Variants in EPM2A observed in about 807,000 individuals in gnomAD.
EPM2A encodes EPM2A glucan phosphatase, laforin.
Under a neutral mutation model 26.5 loss-of-function variants are expected in EPM2A, and 21 were observed. That is an observed-to-expected ratio of 0.79 (90% CI 0.56 to 1.14). EPM2A has a LOEUF of 1.14. Ranked by LOEUF, EPM2A falls within the 50% of genes most tolerant of loss-of-function variation. The pLI is 0.00. For missense variants in EPM2A, 458 were observed against 440.8 expected (o/e 1.04, Z -0.35); for synonymous variants, 217 against 177.6 (o/e 1.22, Z -1.76).
intron 2 of EPM2A, among the ~76,000 whole-genome samples, chr6:145,506,546 A>G (rs1318676028): frequency 6.6e-6 from 1 of 151,672 alleles, no homozygotes; most frequent in African/African-American, 2.4e-5. Context: ...AAAATCTATT[A>G]ATTAAAAATT....
chr6:145,441,645 C>T (rs2087591233), intron 4 of EPM2A, among the ~76,000 whole-genome samples: 1 of 152,120 alleles, frequency 6.6e-6, no homozygotes, highest in Non-Finnish European at 1.5e-5. Context: ...AGGTGGATCA[C>T]CTGAAGTCAG....
intron 4 of EPM2A, among the ~76,000 whole-genome samples, chr6:145,397,030 CT>C (rs1778414463): frequency 6.6e-6 from 1 of 152,232 alleles, no homozygotes; most frequent in South Asian, 2.1e-4. Context: ...TAAAAACCAT[CT>C]GGCAAAAATC....
intron 4 of EPM2A, among the ~76,000 whole-genome samples, chr6:145,496,197 T>C (rs186282915): frequency 2.6e-5 from 4 of 152,346 alleles, no homozygotes; most frequent in East Asian, 1.9e-4. Context: ...CTTCCCTTTG[T>C]AGGTAATCTG....
intron 2 of EPM2A, chr6:145,682,800 A>T (rs1206825835): frequency 6.6e-6 from 1 of 152,162 alleles, no homozygotes; most frequent in East Asian, 1.9e-4. Context: ...TTCTGATATG[A>T]TTTATCCCAA....
At chr6:145,714,205 T>C (rs1001533579) in intron 1 of EPM2A, among the ~76,000 whole-genome samples, 2 of 152,228 alleles carry the variant, frequency 1.3e-5, no homozygotes, top group African/African-American at 2.4e-5. Context: ...CCATGAGTAA[T>C]TGGTCCCAGA....
At chr6:145,391,190 C>A (rs4487600) in intron 4 of EPM2A, among the ~76,000 whole-genome samples, 66,775 of 151,922 alleles carry the variant, frequency 0.44, 14,967 homozygotes, top group East Asian at 0.66. Flanking sequence ...TGCTAACCAC[C>A]ATTAAGCTTT....
At chr6:145,518,606 A>C (rs1391370916) in intron 2 of EPM2A, among the ~76,000 whole-genome samples, 20 of 151,010 alleles carry the variant, frequency 1.3e-4, no homozygotes, top group South Asian at 4.2e-4. Context: ...AAAAAAAAAA[A>C]AAAAAAAAAA....
chr6:145,514,857 A>G (rs1288132321), intron 2 of EPM2A, among the ~76,000 whole-genome samples: 1 of 152,206 alleles, frequency 6.6e-6, no homozygotes, highest in Non-Finnish European at 1.5e-5. Context: ...GGCTCCACTG[A>G]CAAAAACATT....
At chr6:145,518,614 A>AC (rs1304386547) in intron 2 of EPM2A, among the ~76,000 whole-genome samples, 2 of 150,966 alleles carry the variant, frequency 1.3e-5, no homozygotes, top group African/African-American at 4.9e-5. Flanking sequence ...AAAAAAAAAA[A>AC]AAAAAAAAAC....
At chr6:145,433,680 A>G (rs770738072) in intron 4 of EPM2A, among the ~76,000 whole-genome samples, 84 of 152,320 alleles carry the variant, frequency 5.5e-4, no homozygotes, top group Non-Finnish European at 7.9e-4. Context: ...CCAGTGAAAC[A>G]TTGTATAACA....
At chr6:145,535,469 C>A (rs1321156910) in intron 2 of EPM2A, among the ~76,000 whole-genome samples, 1 of 152,008 alleles carries the variant, frequency 6.6e-6, no homozygotes, top group East Asian at 1.9e-4. Flanking sequence ...TTTTTTAAAG[C>A]TCTCCCAGAG....
intron 2 of EPM2A, among the ~76,000 whole-genome samples, chr6:145,520,556 G>A (rs1252795393): frequency 6.6e-6 from 1 of 152,196 alleles, no homozygotes; most frequent in Non-Finnish European, 1.5e-5. Context: ...TCCTGAAATA[G>A]AGACACGTTA....
chr6:145,713,588 A>G (rs1345630359), intron 1 of EPM2A, among the ~76,000 whole-genome samples: 2 of 152,210 alleles, frequency 1.3e-5, no homozygotes, highest in African/African-American at 2.4e-5. Context: ...ACACAAAATA[A>G]CAAGAATGTG....
chr6:145,443,596 G>T (rs1779095015), intron 4 of EPM2A, among the ~76,000 whole-genome samples: 2 of 152,130 alleles, frequency 1.3e-5, no homozygotes, highest in South Asian at 4.1e-4. Context: ...CCAAAACTTT[G>T]CTGAAGTTGC....
chr6:145,594,546 AT>A (rs11336475), intron 2 of EPM2A, among the ~76,000 whole-genome samples: 10,141 of 151,896 alleles, frequency 0.067, 1,132 homozygotes, highest in African/African-American at 0.23. Flanking sequence ...CATTAAAAAA[AT>A]ATATACAGTA....
intron 2 of EPM2A, among the ~76,000 whole-genome samples, chr6:145,655,322 G>A (rs1052444131): frequency 3.3e-5 from 5 of 152,110 alleles, no homozygotes; most frequent in Admixed American, 6.6e-5. Flanking sequence ...GTGCAGGGTA[G>A]CTATTAAGTA....
At chr6:145,515,920 T>C (rs1020609349) in intron 2 of EPM2A, among the ~76,000 whole-genome samples, 1 of 152,132 alleles carries the variant, frequency 6.6e-6, no homozygotes, top group Non-Finnish European at 1.5e-5. Flanking sequence ...TTTACCATGG[T>C]GACTATGCAC....
intron 1 of EPM2A, among the ~76,000 whole-genome samples, chr6:145,732,201 T>G (rs984437040): frequency 1.3e-4 from 18 of 138,546 alleles, no homozygotes; most frequent in East Asian, 8.4e-4. Flanking sequence ...CAGCTAAGAC[T>G]TGTGTGTGTG....
chr6:145,462,924 G>T (rs1014456029), intron 4 of EPM2A, among the ~76,000 whole-genome samples: 1 of 152,114 alleles, frequency 6.6e-6, no homozygotes, highest in African/African-American at 2.4e-5. Context: ...TTAATACCAA[G>T]ATTTCTTTCC....
Sources: allele counts gnomAD v4.1 joint callset (sites outside exome capture counted in the v4.1 genomes callset), GRCh38; gene constraint gnomAD v4.1.1; transcripts MANE v1.5; gene names NCBI Gene and HGNC (gene_info 2026-07-23, HGNC 2026-07-21).